C4orf36: variants seen among roughly 807,000 people sequenced by gnomAD.
C4orf36 encodes the protein chromosome 4 open reading frame 36, also known as uncharacterized protein C4orf36.
Under a neutral mutation model 12.2 loss-of-function variants are expected in C4orf36, and 11 were observed. That is an observed-to-expected ratio of 0.90 (90% CI 0.57 to 1.49). The LOEUF is 1.49. Ranked by LOEUF, C4orf36 falls within the 40% of genes most tolerant of loss-of-function variation. The probability of loss-of-function intolerance (pLI) is 0.00; values close to 1 mark genes in which losing one functional copy is unlikely to be tolerated. For missense variants in C4orf36, 137 were observed against 133.9 expected, an observed-to-expected ratio of 1.02 and a Z score of -0.11; for synonymous variants, 54 against 51.3, an observed-to-expected ratio of 1.05 and a Z score of -0.22.
At chr4:86,903,123 C>T in the C4orf36 span, among the ~76,000 whole-genome samples, 1 of 152,160 alleles carries the variant, frequency 6.6e-6, no homozygotes, top group Non-Finnish European at 1.5e-5. Flanking sequence ...TCCTTGTGTG[C>T]TATTTTCACA....
chr4:86,914,176 G>A, the C4orf36 span: 1 of 1,592,028 alleles, frequency 6.3e-7, no homozygotes, highest in African/African-American at 1.3e-5. Flanking sequence ...TTCCCTAGTG[G>A]GGACTACTTC....
chr4:86,880,233 G>C (rs1747019014), intron 4 of C4orf36, among the ~76,000 whole-genome samples: 1 of 152,162 alleles, frequency 6.6e-6, no homozygotes, highest in African/African-American at 2.4e-5. Flanking sequence ...AGCACCTTGG[G>C]AGGCCAAGGT....
At chr4:86,919,162 T>C in the C4orf36 span, among the ~76,000 whole-genome samples, 1 of 150,922 alleles carries the variant, frequency 6.6e-6, no homozygotes, top group African/African-American at 2.5e-5. Context: ...TCCTTTTCTC[T>C]CCTTTTTTAT....
intron 4 of C4orf36, among the ~76,000 whole-genome samples, chr4:86,882,403 A>G (rs1747071174): frequency 6.6e-6 from 1 of 152,214 alleles, no homozygotes; most frequent in Non-Finnish European, 1.5e-5. Context: ...GATGGCCCAC[A>G]AGGTTAAGGA....
At chr4:86,913,832 T>TC in the C4orf36 span, 1 of 994,982 alleles carries the variant, frequency 1.0e-6, no homozygotes, top group Non-Finnish European at 1.5e-6. Context: ...CCACTTTTTT[T>TC]TTTTTTTTTT....
intron 4 of C4orf36, among the ~76,000 whole-genome samples, chr4:86,885,643 A>G (rs1000257291): frequency 1.3e-5 from 2 of 152,192 alleles, no homozygotes; most frequent in African/African-American, 4.8e-5. Context: ...GTCATCTGCA[A>G]ACAGGGACAA....
chr4:86,906,568 A>T, the C4orf36 span, among the ~76,000 whole-genome samples: 1 of 151,012 alleles, frequency 6.6e-6, no homozygotes, highest in Non-Finnish European at 1.5e-5. Context: ...TCTCTACCAA[A>T]AACACAAAAA....
At chr4:86,915,690 G>A in the C4orf36 span, among the ~76,000 whole-genome samples, 1 of 152,212 alleles carries the variant, frequency 6.6e-6, no homozygotes, top group African/African-American at 2.4e-5. Context: ...GGGAGGCTGA[G>A]GCAGGAGAAT....
At chr4:86,930,307 A>G in the C4orf36 span, among the ~76,000 whole-genome samples, 1 of 152,256 alleles carries the variant, frequency 6.6e-6, no homozygotes, top group African/African-American at 2.4e-5. Context: ...TGAATTTCAC[A>G]CTGATAGACA....
At chr4:86,912,305 G>A in the C4orf36 span, among the ~76,000 whole-genome samples, 1 of 152,216 alleles carries the variant, frequency 6.6e-6, no homozygotes, top group East Asian at 1.9e-4. Context: ...ACAGTCATGA[G>A]CCACTGTGCC....
the C4orf36 span, among the ~76,000 whole-genome samples, chr4:86,903,416 G>A: frequency 1.3e-5 from 2 of 152,172 alleles, no homozygotes; most frequent in Non-Finnish European, 2.9e-5. Context: ...TAATCAGTCG[G>A]TTCTTGGTCT....
chr4:86,881,032 C>CAA (rs35264730), intron 4 of C4orf36, among the ~76,000 whole-genome samples: 24 of 103,046 alleles, frequency 2.3e-4, no homozygotes, highest in Non-Finnish European at 2.9e-4. Context: ...GATTCCGCCT[C>CAA]AAAAAAAAAA....
chr4:86,887,900 A>G lies in C4orf36; in HGVS notation c.221-7T>C. 2 of 1,613,950 alleles carry G rather than the reference A, an allele frequency of 1.2e-6. No homozygotes were observed. The highest frequency in any genetic ancestry group is 2.7e-5 in the African/African-American group (2 of 75,054). ...TCCCTTTCGAGTTTGATAGCTGAAAAAGAAAATACACAAAACAATCTGACA... is the reference window on the plus strand; with the variant it reads ...TCCCTTTCGAGTTTGATAGCTGAAAGAGAAAATACACAAAACAATCTGACA... On this transcript the variant is annotated splice_region_variant and splice_polypyrimidine_tract_variant and intron_variant, in intron 3 of 4. Transcript: ENST00000295898.
At chr4:86,881,560 G>A (rs1458417018) in intron 4 of C4orf36, among the ~76,000 whole-genome samples, 2 of 152,062 alleles carry the variant, frequency 1.3e-5, no homozygotes, top group Non-Finnish European at 2.9e-5. Context: ...CTACGCCCCA[G>A]CCTGGGCAAC....
At chr4:86,886,759 C>CT (rs1747186647) in intron 4 of C4orf36, 1 of 152,140 alleles carries the variant, frequency 6.6e-6, no homozygotes, top group Non-Finnish European at 1.5e-5. Context: ...CATCCCATTA[C>CT]TAGGTATATA....
intron 4 of C4orf36, among the ~76,000 whole-genome samples, chr4:86,876,818 A>G (rs1409056920): frequency 6.6e-6 from 1 of 152,236 alleles, no homozygotes; most frequent in Non-Finnish European, 1.5e-5. Context: ...TGGATATACA[A>G]CTAATTGGGA....
chr4:86,925,634 C>T, the C4orf36 span: 4 of 152,094 alleles, frequency 2.6e-5, no homozygotes, highest in African/African-American at 9.7e-5. Flanking sequence ...AGCACATGTG[C>T]TGTTGAGAAA....
At chr4:86,913,258 A>G in the C4orf36 span, 3 of 592,318 alleles carry the variant, frequency 5.1e-6, no homozygotes, top group African/African-American at 3.7e-5. Context: ...TCAGCTTCAC[A>G]TCCAGAGGCC....
chr4:86,910,347 G>A, the C4orf36 span, among the ~76,000 whole-genome samples: 1 of 152,146 alleles, frequency 6.6e-6, no homozygotes, highest in Non-Finnish European at 1.5e-5. Flanking sequence ...GGGAGGTGGA[G>A]TTTGCAGTGA....
Sources: allele counts gnomAD v4.1 joint callset (sites outside exome capture counted in the v4.1 genomes callset), GRCh38; gene constraint gnomAD v4.1.1; transcripts MANE v1.5; gene names NCBI Gene and HGNC (gene_info 2026-07-23, HGNC 2026-07-21).